Variants in APLP1 observed in about 807,000 individuals in gnomAD.
APLP1 encodes the protein amyloid beta (A4) precursor-like protein 1.
A neutral mutation model predicts 84.5 loss-of-function variants in APLP1; 46 were observed. That is an observed-to-expected ratio of 0.54 (90% CI 0.43 to 0.70). APLP1 has a LOEUF of 0.70. Ranked by LOEUF, APLP1 falls within the 30% of genes least tolerant of loss-of-function variation. The pLI is 0.00. For synonymous variants in APLP1, 376 were observed against 364.0 expected (o/e 1.03, Z -0.38); for missense variants, 826 against 900.2 (o/e 0.92, Z 1.05).
rs1974366792 is a variant in APLP1, at chr19:35,879,418, C to T, written c.1933C>T (p.Arg645Cys). The T allele has an allele frequency of 5.6e-6, 9 of 1,613,476 alleles. No homozygotes were observed. The highest frequency in any genetic ancestry group is 4.5e-5 in the East Asian group (2 of 44,888). ...GCACGGCTATGAGAACCCCACTTAC[C>T]GCTTCCTGGAGGAACGACCCTGACC... ...QRHGYENPTY[R>C]FLEERP is the part of the protein sequence containing the mutation. Residue 645 changes from arginine to cysteine, a missense_variant, in exon 17 of 17, where the codon CGC (arginine) becomes TGC (cysteine). Coordinates refer to ENST00000221891, the MANE Select transcript of APLP1 (RefSeq NM_001024807.3).
At chr19:35,871,106 A>G in intron 3 of APLP1, 78 bp downstream of exon 3, 1 of 1,505,978 alleles carries the variant, frequency 6.6e-7, no homozygotes, top group Non-Finnish European at 8.9e-7. Flanking sequence ...TCTCAGGCCT[A>G]CATTAAGGGG....
intron 10 of APLP1, 146 bp downstream of exon 10, chr19:35,875,015 T>A (rs1052710938): frequency 1.7e-6 from 2 of 1,204,986 alleles, no homozygotes; most frequent in South Asian, 1.6e-5. Flanking sequence ...CTTCCCAGTC[T>A]CTCAGCTCAG....
At chr19:35,873,382 G>A (rs1974205751) in intron 7 of APLP1, among the ~76,000 whole-genome samples, 1 of 151,704 alleles carries the variant, frequency 6.6e-6, no homozygotes, top group East Asian at 1.9e-4. Context: ...CGAGTAGCTG[G>A]GACTACTGGT....
At chr19:35,878,792 C>T in intron 14 of APLP1, 98 bp from the exon 15 acceptor site, 1 of 1,556,164 alleles carries the variant, frequency 6.4e-7, no homozygotes, top group Non-Finnish European at 8.9e-7. Context: ...AATTGAGATC[C>T]TAGAAAATGA....
chr19:35,871,602 C>T lies in APLP1; in HGVS notation c.538-10C>T, dbSNP rs1444699579. 1.2e-6 allele frequency: 2 copies of T among 1,613,584 alleles called. No homozygotes were observed. Among genetic ancestry groups the T allele is most frequent in the Admixed American group, 1.7e-5 (1 of 59,988 alleles). ...CACAATCCTGGCATCTGGGCCCACT[C>T]TTCCTACAGGCCTGCAGCTCCCAGG... is the stretch of plus-strand genomic sequence containing the variant. On this transcript the variant is annotated splice_polypyrimidine_tract_variant and intron_variant, in intron 4 of 16. Coordinates refer to ENST00000221891, the MANE Select transcript of APLP1 (RefSeq NM_001024807.3).
Position 35,872,652 on chromosome 19 carries a change from G to A in APLP1, c.981+39G>A, listed in dbSNP as rs370668434. 10 of 1,584,734 alleles carry A rather than the reference G, an allele frequency of 6.3e-6. No homozygotes were observed. In the African/African-American group the frequency reaches 1.2e-4, roughly 19 times the overall value. On this transcript the variant is annotated intron_variant, in intron 7 of 16. Transcript: ENST00000221891. Reference sequence around the variant, plus strand: ...GGGCCCCAGGACCCCCTACAGTACAGAGCTCCCTAAATACCAGGAAATTCC... The same window carrying A: ...GGGCCCCAGGACCCCCTACAGTACAAAGCTCCCTAAATACCAGGAAATTCC...
chr19:35,871,671 G>C lies in APLP1; in HGVS notation c.597G>C (p.Ser199=), dbSNP rs201024631. ...HGSGMLLPCG[S]DRFRGVEYVC... ...CGGGCATGCTCTTACCCTGTGGCTC[G>C]GATCGGTTCCGTGGTGTGGAGTATG... Residue 199 remains serine, a synonymous_variant, in exon 5 of 17, where the codon TCG becomes TCC. Transcript: ENST00000221891. 6.2e-7 allele frequency: 1 copy of C among 1,614,014 alleles called. No homozygotes were observed. The highest frequency in any genetic ancestry group is 1.3e-5 in the African/African-American group (1 of 75,008).
At position 35,874,702 on chromosome 19, in the gene APLP1, G is replaced by C. The variant is rs1352189797; in HGVS notation, c.1216-39G>C. 3 of 1,612,372 alleles carry C rather than the reference G, an allele frequency of 1.9e-6. No homozygotes were observed. The African/African-American group carries it at 4.0e-5, about 22-fold the overall frequency. On this transcript the variant is annotated intron_variant, in intron 9 of 16. Coordinates refer to ENST00000221891, the MANE Select transcript of APLP1 (RefSeq NM_001024807.3). This position sits in a 1 kb window ranked among gnomAD's most constrained non-coding sequence, Gnocchi z 6.4. ...GGGGCAGAGAGCAGAGGGTGAGAAG[G>C]GTCAGGGCGGGCTTGGGCATCCTGT...
rs745365762 is a variant in APLP1, at chr19:35,878,097, C to T, written c.1568C>T (p.Thr523Ile). The T allele has an allele frequency of 4.2e-5, 68 of 1,612,988 alleles. 2 individuals carry two copies. The South Asian group carries it at 6.6e-4, about 16-fold the overall frequency. The change falls in exon 13 of 17, where the codon ACC (threonine) becomes ATC (isoleucine). Residue 523 changes from threonine to isoleucine, a missense_variant. By Grantham distance (89) the Thr-to-Ile change is moderately conservative. Coordinates refer to ENST00000221891, the MANE Select transcript of APLP1 (RefSeq NM_001024807.3). ...TGGCTGCCAGCAGACACCCCCATGACCCTTCCAAAAGGTGAGTGTCTCACA... is the reference window on the plus strand; with the variant it reads ...TGGCTGCCAGCAGACACCCCCATGATCCTTCCAAAAGGTGAGTGTCTCACA... ...PDSKDADTPM[T>I]LPKGSTEQDA... is the part of the protein sequence containing the mutation.
At chr19:35,877,216 C>T (rs1047250563) in intron 11 of APLP1, among the ~76,000 whole-genome samples, 2 of 152,100 alleles carry the variant, frequency 1.3e-5, no homozygotes, top group South Asian at 2.1e-4. Context: ...TCTTGAGGCG[C>T]GGTGGCTCAC....
chr19:35,872,670 G>A, intron 7 of APLP1, 57 bp downstream of exon 7: 2 of 1,556,632 alleles, frequency 1.3e-6, no homozygotes, highest in East Asian at 4.6e-5. Context: ...TAAATACCAG[G>A]AAATTCCTCC....
Position 35,876,283 on chromosome 19 carries a change from C to T in APLP1, c.1345-234C>T, listed in dbSNP as rs188589741. Among the ~76,000 whole-genome samples, 47 of 152,238 alleles carry T rather than the reference C, an allele frequency of 3.1e-4. 1 individual carries two copies. The highest frequency in any genetic ancestry group is 1.1e-3 in the African/African-American group (45 of 41,542). On this transcript the variant is annotated intron_variant, in intron 10 of 16. Coordinates refer to ENST00000221891, the MANE Select transcript of APLP1 (RefSeq NM_001024807.3). ...ACCATGTCATTTCTATATGACCCTC[C>T]AATCCTCAATCTCTGTCTCTGGAAT...
chr19:35,876,742 T>A, intron 11 of APLP1, 126 bp downstream of exon 11: 1 of 761,670 alleles, frequency 1.3e-6, no homozygotes. Context: ...GCAGTGAAAA[T>A]CAACAATGAT....
chr19:35,870,941 G>A lies in APLP1; in HGVS notation c.337G>A (p.Ala113Thr). 1.9e-6 allele frequency: 3 copies of A among 1,599,418 alleles called. No homozygotes were observed. Among genetic ancestry groups the A allele is most frequent in the Admixed American group, 1.7e-5 (1 of 57,460 alleles). The part of the protein sequence containing the change: ...QIARVEQATQ[A>T]IPMERWCGGS... Reference sequence around the variant, plus strand: ...TGCACGTGTGGAGCAGGCTACGCAGGCCATCCCCATGGAGCGCTGGTGCGG... The same window carrying A: ...TGCACGTGTGGAGCAGGCTACGCAGACCATCCCCATGGAGCGCTGGTGCGG... The change falls in exon 3 of 17, where the codon GCC (alanine) becomes ACC (threonine). Residue 113 changes from alanine to threonine, a missense_variant. By Grantham distance (58) the Ala-to-Thr change is moderately conservative. This residue lies in a region of APLP1 where 383 missense variants were observed against 378.3 expected (regional missense o/e 1.01). Transcript: ENST00000221891.
Position 35,874,196 on chromosome 19 carries a change from C to T in APLP1, c.1057-308C>T, listed in dbSNP as rs1974226331. On this transcript the variant is annotated intron_variant, in intron 8 of 16. Coordinates refer to ENST00000221891, the MANE Select transcript of APLP1 (RefSeq NM_001024807.3). The surrounding 1 kb of genome is among the most constrained non-coding windows in gnomAD (Gnocchi z 6.4). ...ATACACAGCCTGTCTCCAGTTTGAC[C>T]CTGCCCAGGCCAGGAGCCCTGCAAG... Among the ~76,000 whole-genome samples the T allele has an allele frequency of 6.6e-6, 1 of 152,194 alleles. No homozygotes were observed. Among genetic ancestry groups the T allele is most frequent in the African/African-American group, 2.4e-5 (1 of 41,438 alleles).
In APLP1 at chr19:35,871,709, C is replaced by A; in HGVS notation, c.635C>A (p.Pro212His). The change falls in exon 5 of 17, where the codon CCT becomes CAT. Residue 212 changes from proline to histidine, a missense_variant. By Grantham distance (77) the Pro-to-His change is moderately conservative. This residue lies in a region of APLP1 where 383 missense variants were observed against 378.3 expected (regional missense o/e 1.01). Transcript: ENST00000221891. ...GGTGTGGAGTATGTGTGCTGTCCCC[C>A]TCCAGGGACCCCCGACCCATCTGGG... ...FRGVEYVCCPPPGTPDPSGTA... is the reference protein window; with the variant it reads ...FRGVEYVCCPHPGTPDPSGTA... The A allele has an allele frequency of 6.2e-7, 1 of 1,614,114 alleles. No individual in the cohort carries two copies. The highest frequency in any genetic ancestry group is 8.5e-7 in the Non-Finnish European group (1 of 1,180,028).
Position 35,868,887 on chromosome 19 carries a change from G to A in APLP1, c.147+104G>A. On this transcript the variant is annotated intron_variant, in intron 1 of 16. Coordinates refer to ENST00000221891, the MANE Select transcript of APLP1 (RefSeq NM_001024807.3). The surrounding 1 kb of genome is among the most constrained non-coding windows in gnomAD (Gnocchi z 5.2). ...GCAGAAAGCGCGGTCTTTCCAGCCA[G>A]GTGGTCAGCCCCCAGGCGCCCCCAA... The A allele has an allele frequency of 9.1e-7, 1 of 1,094,946 alleles. No homozygotes were observed. Among genetic ancestry groups the A allele is most frequent in the Non-Finnish European group, 1.2e-6 (1 of 854,064 alleles). The allele number at this position is 1,094,946 out of a possible 1,614,324, so 67.8% of individuals were successfully genotyped here.
chr19:35,879,520 G>GGCA lies in APLP1; in HGVS notation c.*84_*86dup, dbSNP rs1974371380. 1 of 1,254,778 alleles carries GGCA rather than the reference G, an allele frequency of 8.0e-7. No homozygotes were observed. The highest frequency in any genetic ancestry group is 1.5e-5 in the African/African-American group (1 of 67,762). 77.7% of individuals were successfully genotyped at this position (1,254,778 alleles called of 1,614,324 possible). A position where few individuals can be genotyped will look rare whatever the true frequency, so the allele number is the denominator to read the frequency against. On this transcript the variant is annotated 3_prime_UTR_variant, in exon 17 of 17. Transcript: ENST00000221891. The stretch of plus-strand genomic sequence containing the variant: ...CCCAGAACCCCAACTCCCAGCCTAG[G>GGCA]GCAGCAGGGAGTCTTGAAGTGATCA...
intron 15 of APLP1, 30 bp downstream of exon 15, chr19:35,878,982 G>A (rs1406918900): frequency 1.2e-6 from 2 of 1,613,986 alleles, no homozygotes; most frequent in Non-Finnish European, 1.7e-6. Context: ...GGTACCTAGG[G>A]GAAGAGACCA....
Sources: allele counts gnomAD v4.1 joint callset (sites outside exome capture counted in the v4.1 genomes callset), GRCh38; gene constraint gnomAD v4.1.1; regional missense constraint gnomAD v4.1.1; non-coding constraint Gnocchi (gnomAD v3.1); transcripts MANE v1.5; gene names NCBI Gene and HGNC (gene_info 2026-07-23, HGNC 2026-07-21).